NEGR1: variants seen among roughly 807,000 people sequenced by gnomAD.
The protein encoded by NEGR1 is neuronal growth regulator 1.
A neutral mutation model predicts 40.9 loss-of-function variants in NEGR1; 10 were observed. The observed-to-expected ratio is 0.24, with a 90% CI of 0.15 to 0.42. NEGR1 has a LOEUF of 0.42. Among genes scored for constraint, NEGR1 ranks in the 10% least tolerant of loss-of-function variants. The probability of loss-of-function intolerance (pLI) is 1.00; values close to 1 mark genes in which losing one functional copy is unlikely to be tolerated. For synonymous variants in NEGR1, 185 were observed against 166.8 expected, an observed-to-expected ratio of 1.11 and a Z score of -0.84; for missense variants, 352 against 438.9, an observed-to-expected ratio of 0.80 and a Z score of 1.77.
chr1:72,059,909 A>G (rs1647150476), intron 1 of NEGR1, among the ~76,000 whole-genome samples: 2 of 151,682 alleles, frequency 1.3e-5, no homozygotes, highest in Non-Finnish European at 3.0e-5. Flanking sequence ...CAAAGGAAAC[A>G]TCCCTGCTTG....
At chr1:71,868,473 T>TAGATAGATAG (rs1557682670) in intron 2 of NEGR1, among the ~76,000 whole-genome samples, 10 of 50,928 alleles carry the variant, frequency 2.0e-4, no homozygotes, top group African/African-American at 9.6e-4. Flanking sequence ...ATAGACAGAA[T>TAGATAGATAG]ACATACATAC....
At chr1:71,579,689 C>A (rs1367381166) in intron 6 of NEGR1, among the ~76,000 whole-genome samples, 1 of 149,360 alleles carries the variant, frequency 6.7e-6, no homozygotes, top group East Asian at 2.0e-4. Flanking sequence ...ATATAGATTC[C>A]TCCTCCCCTG....
chr1:71,463,946 G>A (rs989870745), intron 6 of NEGR1, among the ~76,000 whole-genome samples: 8 of 152,104 alleles, frequency 5.3e-5, no homozygotes, highest in African/African-American at 1.2e-4. Context: ...GAATTGTATC[G>A]TCAGGAATCC....
At chr1:71,684,735 T>C (rs1482782386) in intron 4 of NEGR1, among the ~76,000 whole-genome samples, 2 of 152,166 alleles carry the variant, frequency 1.3e-5, no homozygotes, top group African/African-American at 4.8e-5. Context: ...TTTCCTTGTT[T>C]AGAACCATCC....
intron 1 of NEGR1, among the ~76,000 whole-genome samples, chr1:72,218,616 T>C (rs1051489675): frequency 4.7e-5 from 7 of 150,522 alleles, no homozygotes; most frequent in African/African-American, 7.3e-5. Flanking sequence ...TAGGGAGTTG[T>C]TTTTTTTTCC....
At chr1:72,230,547 T>A (rs1654330240) in intron 1 of NEGR1, among the ~76,000 whole-genome samples, 1 of 152,134 alleles carries the variant, frequency 6.6e-6, no homozygotes, top group Non-Finnish European at 1.5e-5. Flanking sequence ...AAGAAAGCAC[T>A]ATGCCCTTTA....
At chr1:71,485,652 C>T (rs1399656219) in intron 6 of NEGR1, among the ~76,000 whole-genome samples, 1 of 151,598 alleles carries the variant, frequency 6.6e-6, no homozygotes, top group African/African-American at 2.4e-5. Context: ...CATAGTTTTG[C>T]CTTTTCTAGA....
intron 6 of NEGR1, among the ~76,000 whole-genome samples, chr1:71,476,385 AATGT>A (rs1339708858): frequency 2.6e-5 from 4 of 152,144 alleles, no homozygotes; most frequent in Non-Finnish European, 4.4e-5. Context: ...GTGTGTAAAT[AATGT>A]AACCTTTTCC....
chr1:71,863,483 C>A (rs181394130), intron 2 of NEGR1, among the ~76,000 whole-genome samples: 2 of 152,096 alleles, frequency 1.3e-5, no homozygotes, highest in Non-Finnish European at 2.9e-5. Flanking sequence ...GGAAGAATAG[C>A]TAATGGGTGC....
chr1:71,591,548 A>G (rs1649500462), intron 6 of NEGR1, among the ~76,000 whole-genome samples: 1 of 152,134 alleles, frequency 6.6e-6, no homozygotes, highest in South Asian at 2.1e-4. Context: ...AGAAGTATCA[A>G]TATTTACATT....
chr1:71,942,455 C>CTATCTATA (rs1342537095), intron 1 of NEGR1, among the ~76,000 whole-genome samples: 2 of 21,294 alleles, frequency 9.4e-5, no homozygotes, highest in Non-Finnish European at 8.1e-5. Flanking sequence ...TTCTTTAAAT[C>CTATCTATA]TATATATATA....
intron 6 of NEGR1, among the ~76,000 whole-genome samples, chr1:71,502,455 G>T (rs1284943181): frequency 6.6e-6 from 1 of 152,134 alleles, no homozygotes; most frequent in Non-Finnish European, 1.5e-5. Flanking sequence ...GCCATTAAAA[G>T]TCTCACTTCC....
At chr1:72,174,644 T>A (rs1652096955) in intron 1 of NEGR1, among the ~76,000 whole-genome samples, 1 of 152,150 alleles carries the variant, frequency 6.6e-6, no homozygotes, top group African/African-American at 2.4e-5. Flanking sequence ...GCAAGCCTCA[T>A]GTCTGGATTT....
intron 4 of NEGR1, among the ~76,000 whole-genome samples, chr1:71,618,233 C>T (rs1650505493): frequency 6.6e-6 from 1 of 152,148 alleles, no homozygotes; most frequent in Admixed American, 6.6e-5. Flanking sequence ...ACAAAAGACA[C>T]CCGAACTAGG....
At chr1:71,986,864 C>A (rs1235016169) in intron 1 of NEGR1, among the ~76,000 whole-genome samples, 1 of 152,118 alleles carries the variant, frequency 6.6e-6, no homozygotes, top group Non-Finnish European at 1.5e-5. Flanking sequence ...TTCCCCAGTA[C>A]AAAAGTCTTA....
intron 6 of NEGR1, among the ~76,000 whole-genome samples, chr1:71,455,048 T>C (rs74089366): frequency 0.034 from 5,237 of 152,194 alleles, 314 homozygotes; most frequent in African/African-American, 0.12. Flanking sequence ...TACAAAGGAC[T>C]TACATTTTGA....
At chr1:72,123,175 C>T (rs74087132) in intron 1 of NEGR1, among the ~76,000 whole-genome samples, 4,608 of 151,880 alleles carry the variant, frequency 0.03, 266 homozygotes, top group African/African-American at 0.11. Flanking sequence ...TGTCTGTGTT[C>T]ATTTTCATGC....
At chr1:71,519,596 G>T (rs1459277385) in intron 6 of NEGR1, among the ~76,000 whole-genome samples, 1 of 112,014 alleles carries the variant, frequency 8.9e-6, no homozygotes, top group Non-Finnish European at 1.8e-5. Context: ...GGGGGAGGGG[G>T]GAGGGATAGC....
chr1:71,494,200 G>A (rs971101637), intron 6 of NEGR1, among the ~76,000 whole-genome samples: 2 of 152,162 alleles, frequency 1.3e-5, no homozygotes, highest in African/African-American at 4.8e-5. Flanking sequence ...TTATGATGGG[G>A]ACTTTGAGGC....
Sources: gnomAD v4.1 joint callset for allele counts (sites outside exome capture counted in the v4.1 genomes callset) on GRCh38, gnomAD v4.1.1 for gene constraint, MANE v1.5 for transcripts, NCBI Gene and HGNC (gene_info 2026-07-23, HGNC 2026-07-21) for gene names.